Variants in CACNA1B observed in about 807,000 individuals in gnomAD.
CACNA1B encodes calcium voltage-gated channel subunit alpha1 B.
Under a neutral mutation model 247.2 loss-of-function variants are expected in CACNA1B, and 70 were observed. The ratio of observed to expected loss-of-function variants is 0.28; its 90% CI spans 0.23 to 0.35. The LOEUF (loss-of-function observed/expected upper bound fraction) is 0.35, where lower values mean the gene tolerates loss of function less well. CACNA1B is among the 10% of genes least tolerant of loss of function. The pLI is 1.00. For missense variants in CACNA1B, 2,367 were observed against 3,197.4 expected (o/e 0.74, Z 6.26); for synonymous variants, 1,231 against 1,294.4 (o/e 0.95, Z 1.05).
intron 5 of CACNA1B, among the ~76,000 whole-genome samples, chr9:137,915,472 G>A (rs981782206): frequency 1.3e-5 from 2 of 152,114 alleles, no homozygotes; most frequent in Non-Finnish European, 2.9e-5. Flanking sequence ...ATATGTGGGG[G>A]TAAGAGAAAC....
intron 6 of CACNA1B, among the ~76,000 whole-genome samples, chr9:137,941,176 C>T (rs538008328): frequency 7.9e-5 from 12 of 152,300 alleles, no homozygotes; most frequent in Admixed American, 2.0e-4. Flanking sequence ...ACCCTAAAAA[C>T]TCCTCCAGAA....
intron 36 of CACNA1B, among the ~76,000 whole-genome samples, chr9:138,087,384 C>CAAAAAAAAAAAAAA (rs58566171): frequency 1.1e-4 from 6 of 52,650 alleles, no homozygotes; most frequent in African/African-American, 2.6e-4. Context: ...GACTCTGTCT[C>CAAAAAAAAAAAAAA]AAAAAAAAAA....
At chr9:137,910,478 A>G (rs1263136425) in intron 3 of CACNA1B, among the ~76,000 whole-genome samples, 1 of 152,108 alleles carries the variant, frequency 6.6e-6, no homozygotes, top group African/African-American at 2.4e-5. Flanking sequence ...GCGTTATTAC[A>G]TTTATTGTGC....
Position 138,120,159 on chromosome 9 carries a change from C to T in CACNA1B, c.6031-6C>T, listed in dbSNP as rs201506051. 425 of 1,594,176 alleles carry T rather than the reference C, an allele frequency of 2.7e-4. 1 individual carries two copies. The highest frequency in any genetic ancestry group is 1.4e-3 in the Middle Eastern group (7 of 5,008). ...CCTAGGCCCACTCTCAGTCCTTTGC[C>T]CACAGCCCGTCACAGATGCCAGCCC... On this transcript the variant is annotated splice_region_variant and splice_polypyrimidine_tract_variant and intron_variant, in intron 44 of 46. Coordinates refer to ENST00000371372, the MANE Select transcript of CACNA1B (RefSeq NM_000718.4).
chr9:138,053,575 T>G (rs964970789), intron 25 of CACNA1B, among the ~76,000 whole-genome samples: 1 of 151,082 alleles, frequency 6.6e-6, no homozygotes, highest in African/African-American at 2.4e-5. Context: ...TTGTCATGGC[T>G]CCACTCCTCC....
chr9:138,065,049 G>A (rs1959867318), intron 31 of CACNA1B, among the ~76,000 whole-genome samples: 1 of 152,342 alleles, frequency 6.6e-6, no homozygotes, highest in Admixed American at 6.5e-5. Flanking sequence ...CTCATTTAAT[G>A]TGGGCTATGA....
At chr9:137,938,956 A>C (rs1784170144) in intron 6 of CACNA1B, among the ~76,000 whole-genome samples, 1 of 152,168 alleles carries the variant, frequency 6.6e-6, no homozygotes, top group South Asian at 2.1e-4. Flanking sequence ...CTGTAATCTC[A>C]GCTATTTGGG....
chr9:137,884,893 CT>C (rs1956983266), intron 3 of CACNA1B, among the ~76,000 whole-genome samples: 1 of 143,370 alleles, frequency 7.0e-6, no homozygotes, highest in African/African-American at 2.6e-5. Context: ...CCCCCTCCCC[CT>C]CCTCTTCCCG....
chr9:137,888,102 C>T lies in CACNA1B; in HGVS notation c.530+5219C>T, dbSNP rs145209253. On this transcript the variant is annotated intron_variant, in intron 3 of 46. Coordinates refer to ENST00000371372, the MANE Select transcript of CACNA1B (RefSeq NM_000718.4). This position sits in a 1 kb window ranked among gnomAD's most constrained non-coding sequence, Gnocchi z 4.7. Reference sequence around the variant, plus strand: ...ATGGGTGCTGGGGGCACAGTGTAGACGGTAGGGAAGGAGAGTGGGAGCCGG... The same window carrying T: ...ATGGGTGCTGGGGGCACAGTGTAGATGGTAGGGAAGGAGAGTGGGAGCCGG... Among the ~76,000 whole-genome samples the T allele has an allele frequency of 6.6e-5, 10 of 151,238 alleles. No individual in the cohort carries two copies. The highest frequency in any genetic ancestry group is 6.3e-4 in the South Asian group (3 of 4,768).
rs575688931 is a variant in CACNA1B, at chr9:137,914,059, T to C, written c.623-595T>C. Among the ~76,000 whole-genome samples, 1 of 152,246 alleles carries C rather than the reference T, an allele frequency of 6.6e-6. No homozygotes were observed. Among genetic ancestry groups the C allele is most frequent in the Admixed American group, 6.5e-5 (1 of 15,302 alleles). On this transcript the variant is annotated intron_variant, in intron 4 of 46. Transcript: ENST00000371372. This position sits in a 1 kb window ranked among gnomAD's most constrained non-coding sequence, Gnocchi z 4.3. The stretch of plus-strand genomic sequence containing the variant: ...GGCAGAACATTCCCAGGGGCAGGTC[T>C]TTTTTGCCTCACTTTCTCCCAAGGA...
intron 15 of CACNA1B, among the ~76,000 whole-genome samples, chr9:138,003,138 C>T (rs1589060781): frequency 6.7e-6 from 1 of 150,092 alleles, no homozygotes; most frequent in African/African-American, 2.4e-5. Context: ...TGCGATTGTG[C>T]CACTGCACTC....
Position 138,010,030 on chromosome 9 carries a change from C to T in CACNA1B, c.2113C>T (p.Leu705=), listed in dbSNP as rs199753359. 6.3e-5 allele frequency: 101 copies of T among 1,613,670 alleles called. No individual in the cohort carries two copies. The South Asian group carries it at 7.1e-4, about 11-fold the overall frequency. Reference sequence around the variant, plus strand: ...ACCAGACACTCTGCTGAATGTCTTTCTGGCCATCGCTGTGGACAACCTGGC... The same window carrying T: ...ACCAGACACTCTGCTGAATGTCTTTTTGGCCATCGCTGTGGACAACCTGGC... The part of the protein sequence containing the change: ...FGNYTLLNVF[L]AIAVDNLANA... Residue 705 remains leucine, a synonymous_variant, in exon 17 of 47, where the codon CTG becomes TTG. Transcript: ENST00000371372. This position sits in a 1 kb window ranked among gnomAD's most constrained non-coding sequence, Gnocchi z 5.3.
At chr9:138,032,130 C>A (rs914072648) in intron 20 of CACNA1B, among the ~76,000 whole-genome samples, 1 of 151,716 alleles carries the variant, frequency 6.6e-6, no homozygotes, top group Admixed American at 6.6e-5. Context: ...TTCCTTTTAT[C>A]TGTAGTATTT....
At chr9:138,106,431 T>G (rs575362306) in intron 39 of CACNA1B, among the ~76,000 whole-genome samples, 7 of 152,086 alleles carry the variant, frequency 4.6e-5, no homozygotes, top group Non-Finnish European at 7.4e-5. Context: ...CCCTGTCTAC[T>G]GGGTTATTTG....
chr9:138,021,345 A>T (rs552674701), intron 18 of CACNA1B, among the ~76,000 whole-genome samples: 1 of 152,342 alleles, frequency 6.6e-6, no homozygotes, highest in South Asian at 2.1e-4. Context: ...CAGGTGAGAC[A>T]CAGACACCAC....
intron 18 of CACNA1B, among the ~76,000 whole-genome samples, chr9:138,017,732 GC>G (rs1207555180): frequency 2.0e-5 from 3 of 152,344 alleles, no homozygotes; most frequent in South Asian, 2.1e-4. Context: ...ACCACCCAGG[GC>G]CCAAGGCAGA....
At chr9:138,009,362 G>A (rs998716157) in intron 16 of CACNA1B, among the ~76,000 whole-genome samples, 1 of 152,208 alleles carries the variant, frequency 6.6e-6, no homozygotes, top group Admixed American at 6.5e-5. Context: ...TGCAATCTAC[G>A]GAGCGGATGC....
chr9:138,006,880 A>T lies in CACNA1B; in HGVS notation c.2088A>T (p.Gly696=), dbSNP rs767420570. 1.9e-6 allele frequency: 3 copies of T among 1,553,984 alleles called. No individual in the cohort carries two copies. The East Asian group carries it at 6.7e-5, about 35-fold the overall frequency. ...ACTTCATTGTCCTGACACTGTTCGG[A>T]AACTGTATCCTTCTGTGGGGCTGGG... ...SFYFIVLTLF[G]NYTLLNVFLA... Residue 696 remains glycine (G), a synonymous_variant, in exon 16 of 47, where the codon GGA becomes GGT. Transcript: ENST00000371372.
At chr9:137,956,731 G>A (rs766320405) in intron 8 of CACNA1B, 40 bp from the exon 9 acceptor site, 1 of 1,597,728 alleles carries the variant, frequency 6.3e-7, no homozygotes, top group Middle Eastern at 1.7e-4. Context: ...CATTCCTGGG[G>A]TCAGGAGGGC....
Sources: gnomAD v4.1 joint callset for allele counts (sites outside exome capture counted in the v4.1 genomes callset) on GRCh38, gnomAD v4.1.1 for gene constraint, Gnocchi (gnomAD v3.1) non-coding constraint, MANE v1.5 for transcripts, NCBI Gene and HGNC (gene_info 2026-07-23, HGNC 2026-07-21) for gene names.